The following SSH2 variants were observed in gnomAD, a reference collection of about 807,000 sequenced individuals.
SSH2 encodes the protein protein phosphatase Slingshot homolog 2.
In SSH2, 37 loss-of-function variants were observed where a neutral mutation model predicts 135.2. That is an observed-to-expected ratio of 0.27 (90% CI 0.21 to 0.36). The LOEUF is 0.36. SSH2 is among the 10% of genes least tolerant of loss of function. The pLI is 1.00. For missense variants in SSH2, 1,408 were observed against 1,765.3 expected, an observed-to-expected ratio of 0.80 and a Z score of 3.63; for synonymous variants, 628 against 646.2, an observed-to-expected ratio of 0.97 and a Z score of 0.43.
intron 5 of SSH2, among the ~76,000 whole-genome samples, chr17:29,685,229 T>A (rs2038164423): frequency 6.6e-6 from 1 of 152,256 alleles, no homozygotes; most frequent in South Asian, 2.1e-4. Context: ...TAGAAACTTC[T>A]CATTTTTTGT....
intron 5 of SSH2, among the ~76,000 whole-genome samples, chr17:29,692,334 G>A (rs896959323): frequency 6.6e-6 from 1 of 152,028 alleles, no homozygotes; most frequent in African/African-American, 2.4e-5. Context: ...GTCATACAAT[G>A]CATTGACTCA....
intron 3 of SSH2, among the ~76,000 whole-genome samples, chr17:29,725,918 A>T (rs77944374): frequency 0.021 from 3,140 of 152,232 alleles, 109 homozygotes; most frequent in African/African-American, 0.07. Flanking sequence ...AAGAAAATTT[A>T]AAAAAAGCCA....
intron 2 of SSH2, among the ~76,000 whole-genome samples, chr17:29,823,095 A>T (rs1434832944): frequency 6.6e-6 from 1 of 152,232 alleles, no homozygotes; most frequent in Non-Finnish European, 1.5e-5. Context: ...ATCTATATAG[A>T]TGAAAGGCAG....
At chr17:29,823,893 A>AG (rs1310973413) in intron 2 of SSH2, among the ~76,000 whole-genome samples, 2 of 151,564 alleles carry the variant, frequency 1.3e-5, no homozygotes, top group East Asian at 3.9e-4. Flanking sequence ...AAAAAAAAAA[A>AG]AAAAAAATTC....
At chr17:29,693,282 C>G (rs2038568363) in intron 5 of SSH2, among the ~76,000 whole-genome samples, 1 of 151,074 alleles carries the variant, frequency 6.6e-6, no homozygotes, top group South Asian at 2.1e-4. Context: ...GAATAGCATC[C>G]CCCCCGTTCC....
At chr17:29,882,941 G>C (rs1012949970) in intron 1 of SSH2, 3 of 152,052 alleles carry the variant, frequency 2.0e-5, no homozygotes, top group Admixed American at 6.6e-5. Flanking sequence ...TTTTATTAAA[G>C]GCATGAGCCA....
chr17:29,630,086 G>A lies in SSH2; in HGVS notation c.*755C>T, dbSNP rs1405555267. 1 of 151,988 alleles carries A rather than the reference G, an allele frequency of 6.6e-6. No homozygotes were observed. The highest frequency in any genetic ancestry group is 2.4e-5 in the African/African-American group (1 of 41,316). 9.4% of individuals were successfully genotyped at this position (151,988 alleles called of 1,614,324 possible). A position where few individuals can be genotyped will look rare whatever the true frequency, so the allele number is the denominator to read the frequency against. On this transcript the variant is annotated 3_prime_UTR_variant, in exon 16 of 16. Transcript: ENST00000540801. ...GATCCCACCAACCCAGCAGTTTCTG[G>A]GCAGCAGCCTCTCCACCCCCAACTT... is the stretch of plus-strand genomic sequence containing the variant.
chr17:29,663,726 A>G (rs2037150254), intron 11 of SSH2, among the ~76,000 whole-genome samples: 1 of 152,224 alleles, frequency 6.6e-6, no homozygotes. Context: ...TTAAAAAGTA[A>G]AAACTTCTAT....
chr17:29,909,606 T>C (rs1215496871), intron 1 of SSH2, among the ~76,000 whole-genome samples: 4 of 152,250 alleles, frequency 2.6e-5, no homozygotes, highest in Non-Finnish European at 5.9e-5. Flanking sequence ...GAAATTTAGC[T>C]GTTTTCTTAC....
chr17:29,929,611 C>A (rs1015575028), intron 1 of SSH2, among the ~76,000 whole-genome samples: 2 of 151,988 alleles, frequency 1.3e-5, no homozygotes, highest in Non-Finnish European at 2.9e-5. Context: ...AGCAGAGCAA[C>A]AGAGGGTAAA....
chr17:29,809,508 C>A (rs1361591486), intron 2 of SSH2, among the ~76,000 whole-genome samples: 1 of 151,998 alleles, frequency 6.6e-6, no homozygotes, highest in African/African-American at 2.4e-5. Context: ...GTTCCCTCTG[C>A]CTAGAATACC....
At chr17:29,738,639 C>T (rs575459066) in intron 3 of SSH2, among the ~76,000 whole-genome samples, 45 of 150,992 alleles carry the variant, frequency 3.0e-4, no homozygotes, top group African/African-American at 8.5e-4. Flanking sequence ...CTGCAAGCTG[C>T]GGCTTCCGGG....
chr17:29,649,199 A>G (rs141720027), intron 13 of SSH2, among the ~76,000 whole-genome samples: 350 of 152,006 alleles, frequency 2.3e-3, no homozygotes, highest in Non-Finnish European at 2.9e-3. Flanking sequence ...TTTAAGAGAT[A>G]CACACCCTTA....
intron 1 of SSH2, among the ~76,000 whole-genome samples, chr17:29,849,701 T>C (rs2065515302): frequency 1.3e-5 from 2 of 151,144 alleles, no homozygotes; most frequent in South Asian, 2.1e-4. Context: ...CAAGTGTTCA[T>C]ATGAGCCAAG....
intron 3 of SSH2, among the ~76,000 whole-genome samples, chr17:29,744,513 T>A (rs1348578235): frequency 1.3e-5 from 2 of 152,230 alleles, no homozygotes; most frequent in South Asian, 2.1e-4. Flanking sequence ...TGATAATGTA[T>A]AATCACAGGC....
intron 1 of SSH2, among the ~76,000 whole-genome samples, chr17:29,873,826 GTGAC>G (rs2065980388): frequency 6.6e-6 from 1 of 152,172 alleles, no homozygotes; most frequent in Non-Finnish European, 1.5e-5. Context: ...ATTGCTATCA[GTGAC>G]TGACTGACTT....
Position 29,636,166 on chromosome 17 carries a change from C to T in SSH2, c.2064G>A (p.Glu688=), listed in dbSNP as rs1598681772. Residue 688 remains glutamate (E), a synonymous_variant, in exon 15 of 16, where the codon GAG becomes GAA. Coordinates refer to ENST00000540801, the MANE Select transcript of SSH2 (RefSeq NM_001282129.2). ...DFFSALEKFV[E]LSQETRSRSF... is the part of the protein sequence containing the mutation. ...ATCGTGACCGGGTTTCTTGGGAGAG[C>T]TCCACAAACTTCTCTAGGGCACTAA... The T allele has an allele frequency of 1.2e-6, 2 of 1,614,054 alleles. No individual in the cohort carries two copies. Among genetic ancestry groups the T allele is most frequent in the African/African-American group, 2.7e-5 (2 of 74,912 alleles).
At chr17:29,753,074 T>C (rs1260476527) in intron 3 of SSH2, among the ~76,000 whole-genome samples, 1 of 152,126 alleles carries the variant, frequency 6.6e-6, no homozygotes, top group African/African-American at 2.4e-5. Context: ...TGAAATAATA[T>C]ATCCACTGCT....
intron 1 of SSH2, among the ~76,000 whole-genome samples, chr17:29,923,710 A>G (rs1469880746): frequency 6.6e-6 from 1 of 151,828 alleles, no homozygotes; most frequent in African/African-American, 2.4e-5. Flanking sequence ...AGTTAAAACT[A>G]CTGAATGGAG....
Sources: allele counts gnomAD v4.1 joint callset (sites outside exome capture counted in the v4.1 genomes callset), GRCh38; gene constraint gnomAD v4.1.1; transcripts MANE v1.5; gene names NCBI Gene and HGNC (gene_info 2026-07-23, HGNC 2026-07-21).